The following DOCK9 variants were observed in gnomAD, a reference collection of about 807,000 sequenced individuals.
The protein encoded by DOCK9 is dedicator of cytokinesis 9, also known as dedicator of cytokinesis protein 9.
DOCK9 carries 89 observed loss-of-function variants against 263.3 expected under a neutral mutation model. That is an observed-to-expected ratio of 0.34 (90% CI 0.28 to 0.40). The LOEUF (loss-of-function observed/expected upper bound fraction) is 0.40. DOCK9 is among the 10% of genes least tolerant of loss of function. The pLI is 1.00. For missense variants in DOCK9, 2,140 were observed against 2,603.4 expected (o/e 0.82, Z 3.87); for synonymous variants, 976 against 973.1 (o/e 1.00, Z -0.06).
At chr13:99,008,234 A>ATATAT (rs1233268084) in intron 1 of DOCK9, among the ~76,000 whole-genome samples, 177 of 94,020 alleles carry the variant, frequency 1.9e-3, no homozygotes, top group East Asian at 0.012. Flanking sequence ...ATATATATAT[A>ATATAT]TTTTTTTTTT....
chr13:98,951,588 C>T (rs2057414874), intron 2 of DOCK9, among the ~76,000 whole-genome samples: 1 of 152,172 alleles, frequency 6.6e-6, no homozygotes, highest in Non-Finnish European at 1.5e-5. Flanking sequence ...ACCACATACT[C>T]AAGTGTTTAT....
chr13:99,039,416 C>A (rs971729941), intron 1 of DOCK9, among the ~76,000 whole-genome samples: 1 of 152,154 alleles, frequency 6.6e-6, no homozygotes, highest in African/African-American at 2.4e-5. Context: ...TTGAAAGTTA[C>A]TTTACTTTTT....
chr13:98,822,157 T>C (rs1278154849), intron 45 of DOCK9, among the ~76,000 whole-genome samples: 4 of 152,220 alleles, frequency 2.6e-5, no homozygotes, highest in Non-Finnish European at 4.4e-5. Flanking sequence ...ACTATGGACC[T>C]TGTTAAAGAT....
At chr13:99,015,747 T>C in intron 1 of DOCK9, 1 of 1,343,078 alleles carries the variant, frequency 7.4e-7, no homozygotes, top group South Asian at 2.1e-5. Context: ...AGGGAAGCTC[T>C]GAGCTGCCGT....
At chr13:98,854,065 G>A (rs538536397) in intron 34 of DOCK9, among the ~76,000 whole-genome samples, 1 of 152,230 alleles carries the variant, frequency 6.6e-6, no homozygotes, top group Non-Finnish European at 1.5e-5. Flanking sequence ...CAATAGGCAG[G>A]TGCCCAACCG....
At chr13:98,981,807 A>G (rs1877284852), upstream of DOCK9, among the ~76,000 whole-genome samples, 1 of 152,182 alleles carries the variant, frequency 6.6e-6, no homozygotes, top group Non-Finnish European at 1.5e-5. Flanking sequence ...GGCTCATGAG[A>G]CTGATGTGTG....
chr13:98,977,719 C>T, intron 1 of DOCK9, 65 bp downstream of exon 1: 1 of 1,542,508 alleles, frequency 6.5e-7, no homozygotes, highest in Non-Finnish European at 8.8e-7. Context: ...TCAACCCCGT[C>T]CACACGCACA....
intron 7 of DOCK9, among the ~76,000 whole-genome samples, chr13:98,919,064 T>A (rs1270778669): frequency 4.0e-5 from 6 of 151,768 alleles, no homozygotes; most frequent in Non-Finnish European, 8.8e-5. Flanking sequence ...TGTGAGTGGG[T>A]AAGGTGATGC....
chr13:98,840,313 G>A (rs1258672510), intron 38 of DOCK9, among the ~76,000 whole-genome samples: 2 of 152,212 alleles, frequency 1.3e-5, no homozygotes, highest in Non-Finnish European at 2.9e-5. Context: ...CTAGGGGGCC[G>A]TGGTGCCTGG....
intron 9 of DOCK9, among the ~76,000 whole-genome samples, chr13:98,906,879 C>T (rs59964314): frequency 0.033 from 5,095 of 152,204 alleles, 274 homozygotes; most frequent in African/African-American, 0.12. Flanking sequence ...ATTCCATTTT[C>T]ACTTCCAGGT....
chr13:98,852,988 C>A (rs1438276774), intron 35 of DOCK9, among the ~76,000 whole-genome samples: 1 of 152,192 alleles, frequency 6.6e-6, no homozygotes, highest in Non-Finnish European at 1.5e-5. Flanking sequence ...TAGGTCCCCC[C>A]ACAACATATA....
intron 32 of DOCK9, among the ~76,000 whole-genome samples, chr13:98,862,460 G>A (rs888081262): frequency 2.6e-5 from 4 of 152,150 alleles, no homozygotes; most frequent in African/African-American, 9.7e-5. Context: ...AGGCCAAGGT[G>A]GGCAGATGGA....
chr13:98,846,156 G>A (rs994702045), intron 37 of DOCK9, 96 bp from the exon 38 acceptor site: 36 of 1,403,284 alleles, frequency 2.6e-5, no homozygotes, highest in Non-Finnish European at 3.5e-5. Context: ...TGGCACGAGG[G>A]AGATGGCCAT....
intron 8 of DOCK9, among the ~76,000 whole-genome samples, chr13:98,915,071 T>C (rs1055614257): frequency 1.3e-5 from 2 of 152,182 alleles, no homozygotes; most frequent in African/African-American, 4.8e-5. Flanking sequence ...ATACAGTATT[T>C]ATGGCACTCA....
At chr13:99,073,947 T>A (rs2041801634) in intron 1 of DOCK9, among the ~76,000 whole-genome samples, 1 of 152,234 alleles carries the variant, frequency 6.6e-6, no homozygotes, top group African/African-American at 2.4e-5. Flanking sequence ...GGCATTAGAT[T>A]CTCCAGCTTC....
chr13:99,043,244 T>C (rs1888644419), intron 1 of DOCK9, among the ~76,000 whole-genome samples: 1 of 152,220 alleles, frequency 6.6e-6, no homozygotes, highest in Non-Finnish European at 1.5e-5. Context: ...GTAGGACTTT[T>C]AGGCAAAAGG....
chr13:98,942,240 T>TTG (rs1168674198), intron 2 of DOCK9, among the ~76,000 whole-genome samples: 3 of 149,458 alleles, frequency 2.0e-5, no homozygotes, highest in African/African-American at 7.4e-5. Flanking sequence ...TTGTTGTTTT[T>TTG]TTTTTTTGTT....
chr13:98,892,204 ACTCT>A (rs2046728459), intron 15 of DOCK9, among the ~76,000 whole-genome samples: 1 of 152,016 alleles, frequency 6.6e-6, no homozygotes, highest in Admixed American at 6.6e-5. Flanking sequence ...TGAGGCTCAA[ACTCT>A]CTCTTAGGAA....
At chr13:99,081,655 C>A (rs2042125023) in intron 1 of DOCK9, among the ~76,000 whole-genome samples, 1 of 152,192 alleles carries the variant, frequency 6.6e-6, no homozygotes. Flanking sequence ...ATTAATACAT[C>A]CTCTTAGATC....
Sources: allele counts gnomAD v4.1 joint callset (sites outside exome capture counted in the v4.1 genomes callset), GRCh38; gene constraint gnomAD v4.1.1; transcripts MANE v1.5; gene names NCBI Gene and HGNC (gene_info 2026-07-23, HGNC 2026-07-21).